Variants in GARS1 observed in about 807,000 individuals in gnomAD.
The protein encoded by GARS1 is glycyl-tRNA synthetase 1.
A neutral mutation model predicts 86.4 loss-of-function variants in GARS1; 46 were observed. The observed-to-expected ratio is 0.53, with a 90% confidence interval of 0.42 to 0.68. The LOEUF (loss-of-function observed/expected upper bound fraction) is 0.68. Among genes scored for constraint, GARS1 ranks in the 30% least tolerant of loss-of-function variants. The pLI, the probability that GARS1 is intolerant of heterozygous loss-of-function variation, is 0.00. For missense variants in GARS1, 797 were observed against 915.6 expected, an observed-to-expected ratio of 0.87 and a Z score of 1.67; for synonymous variants, 342 against 329.8, an observed-to-expected ratio of 1.04 and a Z score of -0.40.
Position 30,598,789 on chromosome 7 carries a change from T to C in GARS1, c.223-7T>C, listed in dbSNP as rs1460808251. The C allele has an allele frequency of 6.2e-7, 1 of 1,608,388 alleles. No individual in the cohort carries two copies. The highest frequency in any genetic ancestry group is 8.5e-7 in the Non-Finnish European group (1 of 1,174,878). Reference sequence around the variant, plus strand: ...AATCCTGAATATAAATTCTCTTTCTTGGCTAGGGAGATCTTGTGCGAAAAC... The same window carrying C: ...AATCCTGAATATAAATTCTCTTTCTCGGCTAGGGAGATCTTGTGCGAAAAC... On this transcript the variant is annotated splice_region_variant and splice_polypyrimidine_tract_variant and intron_variant, in intron 1 of 16. Coordinates refer to ENST00000389266, the MANE Select transcript of GARS1 (RefSeq NM_002047.4).
chr7:30,630,115 A>G (rs976890789), intron 14 of GARS1, among the ~76,000 whole-genome samples: 4 of 152,174 alleles, frequency 2.6e-5, no homozygotes, highest in Admixed American at 1.3e-4. Flanking sequence ...TCCTCAATCC[A>G]TTTGCCTATA....
rs1783003922 is a variant in GARS1, at chr7:30,621,419, T to C, written c.1386T>C (p.Ala462=). ...GTTGGATTGAGATTGTTGGATGTGCTGATCGTTCCTGTTATGACCTCTCCT... is the reference window on the plus strand; with the variant it reads ...GTTGGATTGAGATTGTTGGATGTGCCGATCGTTCCTGTTATGACCTCTCCT... The part of the protein sequence containing the change: ...SYGWIEIVGC[A]DRSCYDLSCH... Residue 462 remains alanine, a synonymous_variant, in exon 11 of 17, where the codon GCT becomes GCC. Coordinates refer to ENST00000389266, the MANE Select transcript of GARS1 (RefSeq NM_002047.4). 6.2e-7 allele frequency: 1 copy of C among 1,614,078 alleles called. No individual in the cohort carries two copies. The highest frequency in any genetic ancestry group is 1.3e-5 in the African/African-American group (1 of 74,944).
chr7:30,632,083 G>T lies in GARS1; in HGVS notation c.1904-164G>T, dbSNP rs1238192115. 4 of 702,754 alleles carry T rather than the reference G, an allele frequency of 5.7e-6. No individual in the cohort carries two copies. Among genetic ancestry groups the T allele is most frequent in the Non-Finnish European group, 9.9e-6 (4 of 405,002 alleles). The allele number at this position is 702,754 out of a possible 1,614,324, so 43.5% of individuals were successfully genotyped here. A position where few individuals can be genotyped will look rare whatever the true frequency, so the allele number is the denominator to read the frequency against. On this transcript the variant is annotated intron_variant, in intron 15 of 16. Transcript: ENST00000389266. This position sits in a 1 kb window ranked among gnomAD's most constrained non-coding sequence, Gnocchi z 4.1. ...AGTGAAGATTTGGATTCCCGCAAGG[G>T]ATTTATTAAACTTTAGGGATATTTC... is the stretch of plus-strand genomic sequence containing the variant.
At position 30,603,094 on chromosome 7, in the gene GARS1, A is replaced by C. The variant is rs1412253463; in HGVS notation, c.630A>C (p.Glu210Asp). 6 of 1,613,720 alleles carry C rather than the reference A, an allele frequency of 3.7e-6. No individual in the cohort carries two copies. The Admixed American group carries it at 1.0e-4, about 27-fold the overall frequency. Reference sequence around the variant, plus strand: ...TGGTGAAAGACGTAAAAAATGGAGAATGTTTTCGTGCTGACCATCTATTAA... The same window carrying C: ...TGGTGAAAGACGTAAAAAATGGAGACTGTTTTCGTGCTGACCATCTATTAA... ...DFMVKDVKNG[E>D]CFRADHLLKA... is the part of the protein sequence containing the mutation. Residue 210 changes from glutamate to aspartate, a missense_variant, in exon 5 of 17, where the codon GAA becomes GAC. Physicochemically the swap from Glu to Asp is conservative, Grantham distance 45 (BLOSUM62 2). This residue lies in a region of GARS1 where 598 missense variants were observed against 738.7 expected (regional missense o/e 0.81). Coordinates refer to ENST00000389266, the MANE Select transcript of GARS1 (RefSeq NM_002047.4).
In GARS1 at chr7:30,600,062, T is replaced by C; in HGVS notation, c.427+13T>C. 1 of 1,565,688 alleles carries C rather than the reference T, an allele frequency of 6.4e-7. No individual in the cohort carries two copies. On this transcript the variant is annotated intron_variant, in intron 3 of 16. Coordinates refer to ENST00000389266, the MANE Select transcript of GARS1 (RefSeq NM_002047.4). ...GCTATTTATGGAGGTAAGGGATTAATGACAAAAAGAACTATTGTGTTGTTA... is the reference window on the plus strand; with the variant it reads ...GCTATTTATGGAGGTAAGGGATTAACGACAAAAAGAACTATTGTGTTGTTA...
chr7:30,598,700 T>C, intron 1 of GARS1, 96 bp from the exon 2 acceptor site: 1 of 1,030,934 alleles, frequency 9.7e-7, no homozygotes, highest in Non-Finnish European at 1.5e-6. Flanking sequence ...GCATCATTCT[T>C]ACATAGACTT....
chr7:30,629,211 A>G (rs572092195), intron 14 of GARS1, among the ~76,000 whole-genome samples: 69 of 152,276 alleles, frequency 4.5e-4, no homozygotes, highest in African/African-American at 1.5e-3. Flanking sequence ...AAGAATCCTG[A>G]GTGATTTCAC....
chr7:30,617,340 A>G (rs556165732), intron 10 of GARS1, 62 bp downstream of exon 10: 38 of 1,566,304 alleles, frequency 2.4e-5, no homozygotes, highest in African/African-American at 2.7e-5. Flanking sequence ...ACAGGTACCA[A>G]ATGAATTTTT....
At position 30,628,658 on chromosome 7, in the gene GARS1, G is replaced by A. The variant is rs1270150388; in HGVS notation, c.1798G>A (p.Glu600Lys). 2.5e-6 allele frequency: 4 copies of A among 1,603,300 alleles called. No homozygotes were observed. The highest frequency in any genetic ancestry group is 3.4e-6 in the Non-Finnish European group (4 of 1,170,458). The change falls in exon 14 of 17, where the codon GAA becomes AAA. Residue 600 changes from glutamate to lysine, a missense_variant. Physicochemically the swap from Glu to Lys is moderately conservative, Grantham distance 56. Around this residue, in one of 2 missense-constraint regions of GARS1, gnomAD observed 598 missense variants for 738.7 expected, o/e 0.81. Transcript: ENST00000389266. ...TACATTCCATGTACGAGAAGGAGAT[G>A]AACAGAGAACAGTAAGTTGTTGTGT... ...EHTFHVREGD[E>K]QRTFFSFPAV... is the part of the protein sequence containing the mutation.
intron 4 of GARS1, among the ~76,000 whole-genome samples, chr7:30,602,374 G>T (rs1018429232): frequency 2.0e-5 from 3 of 152,188 alleles, no homozygotes; most frequent in African/African-American, 7.2e-5. Context: ...ACTGCGCCCG[G>T]CCTGAAAGAG....
chr7:30,630,596 A>AGCTG (rs1783216500), intron 14 of GARS1, among the ~76,000 whole-genome samples: 1 of 148,648 alleles, frequency 6.7e-6, no homozygotes, highest in African/African-American at 2.5e-5. Context: ...CTACAGCCTC[A>AGCTG]AACTTCTGGG....
chr7:30,630,967 C>G (rs1394348584), intron 14 of GARS1, among the ~76,000 whole-genome samples: 2 of 152,130 alleles, frequency 1.3e-5, no homozygotes, highest in African/African-American at 4.8e-5. Flanking sequence ...TTTTCTGTTT[C>G]ACTTGGTCAC....
Position 30,621,461 on chromosome 7 carries a change from C to T in GARS1, c.1428C>T (p.Thr476=), listed in dbSNP as rs1212959476. The T allele has an allele frequency of 6.2e-7, 1 of 1,614,144 alleles. No homozygotes were observed. The highest frequency in any genetic ancestry group is 8.5e-7 in the Non-Finnish European group (1 of 1,180,016). ...CYDLSCHARA[T]KVPLVAEKPL... is the part of the protein sequence containing the mutation. ...ACCTCTCCTGTCATGCACGAGCCAC[C>T]AAAGTCCCACTTGTAGCTGAGAAAC... The change falls in exon 11 of 17, where the codon ACC becomes ACT. Residue 476 remains threonine, a synonymous_variant. Transcript: ENST00000389266.
intron 8 of GARS1, among the ~76,000 whole-genome samples, chr7:30,612,514 C>A (rs533492962): frequency 7.1e-6 from 1 of 140,444 alleles, no homozygotes; most frequent in Admixed American, 7.6e-5. Context: ...TACCTTTTTC[C>A]TTGTTCATCG....
Position 30,617,112 on chromosome 7 carries a change from A to G in GARS1, c.1195-2A>G. Reference sequence around the variant, plus strand: ...TCCATGCTTGCTTATTGGTTGGTTTAGGGTGTGATTAATAACACAGTATTA... The same window carrying G: ...TCCATGCTTGCTTATTGGTTGGTTTGGGGTGTGATTAATAACACAGTATTA... On this transcript the variant is annotated splice_acceptor_variant, in intron 9 of 16. Transcript: ENST00000389266. LOFTEE classifies it high-confidence loss of function. 6.2e-7 allele frequency: 1 copy of G among 1,613,996 alleles called. No individual in the cohort carries two copies. Among genetic ancestry groups the G allele is most frequent in the Non-Finnish European group, 8.5e-7 (1 of 1,179,972 alleles).
intron 1 of GARS1, 72 bp from the exon 2 acceptor site, chr7:30,598,724 C>T (rs1327150725): frequency 4.6e-6 from 6 of 1,313,678 alleles, no homozygotes; most frequent in African/African-American, 1.5e-5. Context: ...AAAAGGCACG[C>T]TTAAAAACAC....
At chr7:30,629,427 C>T (rs1783194105) in intron 14 of GARS1, among the ~76,000 whole-genome samples, 1 of 152,080 alleles carries the variant, frequency 6.6e-6, no homozygotes, top group Non-Finnish European at 1.5e-5. Flanking sequence ...TTTACCTCAC[C>T]TCTGCCTGCA....
At chr7:30,598,291 G>A (rs1791298779) in intron 1 of GARS1, among the ~76,000 whole-genome samples, 1 of 150,504 alleles carries the variant, frequency 6.6e-6, no homozygotes, top group Non-Finnish European at 1.5e-5. Flanking sequence ...ACTTGCCCGT[G>A]TGTTCTTCTA....
rs979507800 is a variant in GARS1, at chr7:30,604,388, C to G, written c.735+816C>G. Among the ~76,000 whole-genome samples the G allele has an allele frequency of 2.0e-5, 3 of 152,076 alleles. No homozygotes were observed. The South Asian group carries it at 6.2e-4, about 32-fold the overall frequency. ...TTTATTTACTTCCTTGGGCAAAAAACAAAAAACCAATACTGTGATTATACC... is the reference window on the plus strand; with the variant it reads ...TTTATTTACTTCCTTGGGCAAAAAAGAAAAAACCAATACTGTGATTATACC... On this transcript the variant is annotated intron_variant, in intron 6 of 16. Transcript: ENST00000389266.
Sources: gnomAD v4.1 joint callset for allele counts (sites outside exome capture counted in the v4.1 genomes callset) on GRCh38, gnomAD v4.1.1 for gene constraint, gnomAD v4.1.1 regional missense constraint, Gnocchi (gnomAD v3.1) non-coding constraint, MANE v1.5 for transcripts, NCBI Gene and HGNC (gene_info 2026-07-23, HGNC 2026-07-21) for gene names.